The following LRRCC1 variants were observed in gnomAD, a reference collection of about 807,000 sequenced individuals.
LRRCC1 encodes leucine-rich repeat and coiled-coil domain-containing protein 1.
Under a neutral mutation model 126.0 loss-of-function variants are expected in LRRCC1, and 115 were observed. The observed-to-expected ratio is 0.91, with a 90% CI of 0.78 to 1.07. The LOEUF (loss-of-function observed/expected upper bound fraction) is 1.07, where lower values mean the gene tolerates loss of function less well. LRRCC1 is among the 50% of genes least tolerant of loss of function. LRRCC1 has a pLI of 0.00. For synonymous variants in LRRCC1, 400 were observed against 393.4 expected (o/e 1.02, Z -0.20); for missense variants, 1,172 against 1,175.7 (o/e 1.00, Z 0.05).
At chr8:85,138,616 T>A in intron 17 of LRRCC1, 141 bp downstream of exon 17, 2 of 858,986 alleles carry the variant, frequency 2.3e-6, no homozygotes, top group Non-Finnish European at 3.6e-6. Context: ...ATTTCATCTG[T>A]AAAATGAAGA....
Position 85,110,135 on chromosome 8 carries a change from C to A in LRRCC1, c.331C>A (p.Leu111Met). 2 of 1,303,960 alleles carry A rather than the reference C, an allele frequency of 1.5e-6. No individual in the cohort carries two copies. The highest frequency in any genetic ancestry group is 1.1e-6 in the Non-Finnish European group (1 of 943,530). 80.8% of individuals were successfully genotyped at this position (1,303,960 alleles called of 1,614,324 possible). The change falls in exon 3 of 19, where the codon CTG becomes ATG. Residue 111 changes from leucine (L) to methionine (M), a missense_variant. Transcript: ENST00000360375. ...KVEGLEELIN[L>M]TRLNVSYNHI... is the part of the protein sequence containing the mutation. ...TTTAGGACTTGAAGAACTAATTAAT[C>A]TGACTAGACTAAATGTATCTTATAA...
rs200715949 is a variant in LRRCC1 at position 85,137,602 on chromosome 8, C to T, written c.2468C>T (p.Thr823Ile). The T allele has an allele frequency of 8.7e-5, 128 of 1,471,356 alleles. No homozygotes were observed. Among genetic ancestry groups the T allele is most frequent in the Non-Finnish European group, 1.1e-4 (127 of 1,114,702 alleles). 91.1% of individuals were successfully genotyped at this position (1,471,356 alleles called of 1,614,324 possible). ...RIKCKIIDDQ[T>I]ETIRKLKDCL... is the part of the protein sequence containing the mutation. The stretch of plus-strand genomic sequence containing the variant: ...AAGTGCAAAATCATAGACGACCAAA[C>T]TGAAACTATTAGAAAATTAAAAGAT... The change falls in exon 15 of 19, where the codon ACT becomes ATT. Residue 823 changes from threonine (T) to isoleucine (I), a missense_variant. Thr to Ile is a moderately conservative substitution (Grantham distance 89). Coordinates refer to ENST00000360375, the MANE Select transcript of LRRCC1 (RefSeq NM_033402.5).
At chr8:85,141,272 TTA>T (rs1179773114) in intron 17 of LRRCC1, 108 bp from the exon 18 acceptor site, 1 of 757,242 alleles carries the variant, frequency 1.3e-6, no homozygotes, top group African/African-American at 1.8e-5. Flanking sequence ...TAATACTGAG[TTA>T]TGTTTCCATT....
chr8:85,110,418 G>C (rs1392909424), intron 3 of LRRCC1, among the ~76,000 whole-genome samples: 1 of 152,164 alleles, frequency 6.6e-6, no homozygotes, highest in Non-Finnish European at 1.5e-5. Context: ...AATTGGAAAG[G>C]ATCCAGTTGA....
Position 85,138,386 on chromosome 8 carries a change from T to G in LRRCC1, c.2751T>G (p.Leu917=), listed in dbSNP as rs1209888054. 4 of 1,612,380 alleles carry G rather than the reference T, an allele frequency of 2.5e-6. No individual in the cohort carries two copies. Among genetic ancestry groups the G allele is most frequent in the Non-Finnish European group, 3.4e-6 (4 of 1,179,182 alleles). ...WHDKGELLCH[L]ETQVKEVKEK... is the part of the protein sequence containing the mutation. ...ATAAAGGAGAACTTCTATGTCATCTTGAAACACAAGTAAAAGAAGTGAAAG... is the reference window on the plus strand; with the variant it reads ...ATAAAGGAGAACTTCTATGTCATCTGGAAACACAAGTAAAAGAAGTGAAAG... Residue 917 remains leucine (L), a synonymous_variant, in exon 17 of 19, where the codon CTT becomes CTG. Transcript: ENST00000360375.
intron 12 of LRRCC1, among the ~76,000 whole-genome samples, chr8:85,132,530 C>T (rs1810560094): frequency 6.6e-6 from 1 of 151,966 alleles, no homozygotes; most frequent in African/African-American, 2.4e-5. Context: ...GTAGCTGGGA[C>T]TACAGTCACA....
intron 9 of LRRCC1, among the ~76,000 whole-genome samples, chr8:85,127,958 G>A (rs1810141296): frequency 6.6e-6 from 1 of 152,222 alleles, no homozygotes; most frequent in Admixed American, 6.5e-5. Context: ...CCTGCTTTCA[G>A]TAAGTGCATG....
intron 18 of LRRCC1, among the ~76,000 whole-genome samples, chr8:85,144,269 G>C (rs953655821): frequency 6.6e-6 from 1 of 151,778 alleles, no homozygotes. Flanking sequence ...AGCTGAACTT[G>C]TGACTCAGCA....
rs761237219 is a variant in LRRCC1 at position 85,112,959 on chromosome 8, A to T, written c.404A>T (p.His135Leu). 3 of 1,579,726 alleles carry T rather than the reference A, an allele frequency of 1.9e-6. No individual in the cohort carries two copies. Among genetic ancestry groups the T allele is most frequent in the Non-Finnish European group, 2.6e-6 (3 of 1,162,602 alleles). Reference protein sequence around the residue: ...SGLIPLHGIKHKLRYIDLHSN... With the variant: ...SGLIPLHGIKLKLRYIDLHSN... ...TTGATTCCCCTTCATGGAATTAAGC[A>T]TAAACTTAGATATATTGATCTACAT... Residue 135 changes from histidine (H) to leucine (L), a missense_variant, in exon 4 of 19, where the codon CAT becomes CTT. Physicochemically the swap from His to Leu is moderately conservative, Grantham distance 99. Transcript: ENST00000360375.
intron 6 of LRRCC1, among the ~76,000 whole-genome samples, chr8:85,122,477 G>A (rs1809631557): frequency 6.6e-6 from 1 of 152,094 alleles, no homozygotes; most frequent in Non-Finnish European, 1.5e-5. Flanking sequence ...ACTAGGTTCA[G>A]CTTCATGTAC....
At chr8:85,113,769 T>C (rs1446541164) in intron 4 of LRRCC1, among the ~76,000 whole-genome samples, 2 of 152,114 alleles carry the variant, frequency 1.3e-5, no homozygotes, top group Non-Finnish European at 2.9e-5. Context: ...TAAGAAAGTT[T>C]AATATATAGA....
At chr8:85,130,578 G>A (rs946972753) in intron 11 of LRRCC1, among the ~76,000 whole-genome samples, 6 of 152,024 alleles carry the variant, frequency 3.9e-5, no homozygotes, top group Admixed American at 3.9e-4. Context: ...AAAATGAATA[G>A]TTGCCTTTGT....
chr8:85,114,842 T>G (rs937804363), intron 4 of LRRCC1, among the ~76,000 whole-genome samples: 6 of 152,162 alleles, frequency 3.9e-5, no homozygotes, highest in Non-Finnish European at 5.9e-5. Flanking sequence ...TTTTTAGAGA[T>G]AGTTATTTTA....
Position 85,135,979 on chromosome 8 carries a change from T to A in LRRCC1, c.2329+16T>A. On this transcript the variant is annotated intron_variant, in intron 14 of 18. Coordinates refer to ENST00000360375, the MANE Select transcript of LRRCC1 (RefSeq NM_033402.5). ...GCACAACAAGGTAAAATTCTCAGAT[T>A]TTCAAAGGGAAAATAGCTTATTCTT... The A allele has an allele frequency of 6.5e-7, 1 of 1,539,844 alleles. No homozygotes were observed. Among genetic ancestry groups the A allele is most frequent in the Non-Finnish European group, 8.7e-7 (1 of 1,143,286 alleles).
In LRRCC1 at chr8:85,134,954, G is replaced by A; in HGVS notation, c.2076G>A (p.Leu692=). 1.3e-6 allele frequency: 2 copies of A among 1,585,790 alleles called. No individual in the cohort carries two copies. The highest frequency in any genetic ancestry group is 1.7e-6 in the Non-Finnish European group (2 of 1,173,514). Residue 692 remains leucine, a synonymous_variant, in exon 13 of 19, where the codon CTG becomes CTA. Coordinates refer to ENST00000360375, the MANE Select transcript of LRRCC1 (RefSeq NM_033402.5). ...ENESSSLIKD[L]TCMVKEQKTK... ...AGTCTTCCTCTTTAATTAAAGATCT[G>A]ACCTGTATGGTAAAGGAACAAAAAA...
At chr8:85,143,797 G>A (rs1305741335) in intron 18 of LRRCC1, among the ~76,000 whole-genome samples, 1 of 152,128 alleles carries the variant, frequency 6.6e-6, no homozygotes, top group Admixed American at 6.5e-5. Context: ...AACACTTAAG[G>A]GAAGTGTTTG....
At chr8:85,107,479 G>A (rs1433014671) in intron 1 of LRRCC1, 80 bp downstream of exon 1, 4 of 1,229,912 alleles carry the variant, frequency 3.3e-6, no homozygotes, top group African/African-American at 1.5e-5. Flanking sequence ...CGACACCAGA[G>A]TGGAGGCGCG....
chr8:85,145,419 C>G lies in LRRCC1; in HGVS notation c.3007C>G (p.Leu1003Val), dbSNP rs200799324. 8.4e-5 allele frequency: 132 copies of G among 1,566,618 alleles called. 1 individual carries two copies. Among genetic ancestry groups the G allele is most frequent in the African/African-American group, 5.5e-5 (4 of 72,908 alleles). ...TCAAATTGAAAAAGAAATGCGTGAA[C>G]TTTTGGAAGAAACATGCAAGAACAA... ...VHQIEKEMRELLEETCKNKKT... is the reference protein window; with the variant it reads ...VHQIEKEMREVLEETCKNKKT... The change falls in exon 19 of 19, where the codon CTT (leucine) becomes GTT (valine). Residue 1003 changes from leucine to valine, a missense_variant. Leu to Val is a conservative substitution (Grantham distance 32). Coordinates refer to ENST00000360375, the MANE Select transcript of LRRCC1 (RefSeq NM_033402.5).
In LRRCC1 at chr8:85,126,916, AGT is replaced by A; in HGVS notation, c.1421+83_1421+84del. 2.4e-6 allele frequency: 3 copies of A among 1,239,754 alleles called. No homozygotes were observed. In the South Asian group the frequency reaches 5.2e-5, roughly 22 times the overall value. The allele number at this position is 1,239,754 out of a possible 1,614,324, so 76.8% of individuals were successfully genotyped here. A position where few individuals can be genotyped will look rare whatever the true frequency, so the allele number is the denominator to read the frequency against. ...TTTAGAACTGGAATACATTAGTTTC[AGT>A]GTGGTTCAATCAACAACAATGTATG... is the stretch of plus-strand genomic sequence containing the variant. On this transcript the variant is annotated intron_variant, in intron 9 of 18. Transcript: ENST00000360375.
Sources: gnomAD v4.1 joint callset for allele counts (sites outside exome capture counted in the v4.1 genomes callset) on GRCh38, gnomAD v4.1.1 for gene constraint, MANE v1.5 for transcripts, NCBI Gene and HGNC (gene_info 2026-07-23, HGNC 2026-07-21) for gene names.